NFIA: variants seen among roughly 807,000 people sequenced by gnomAD.
The protein encoded by NFIA is nuclear factor I A.
A neutral mutation model predicts 62.8 loss-of-function variants in NFIA; 8 were observed. The ratio of observed to expected loss-of-function variants is 0.13; its 90% CI spans 0.07 to 0.23. The LOEUF (loss-of-function observed/expected upper bound fraction) is 0.23. Ranked by LOEUF, NFIA falls within the 10% of genes least tolerant of loss-of-function variation. The pLI, the probability that NFIA is intolerant of heterozygous loss-of-function variation, is 1.00. For missense variants in NFIA, 410 were observed against 642.1 expected, an observed-to-expected ratio of 0.64 and a Z score of 3.91; for synonymous variants, 235 against 238.1, an observed-to-expected ratio of 0.99 and a Z score of 0.12.
intron 1 of NFIA, among the ~76,000 whole-genome samples, chr1:61,083,899 C>A (rs1311312572): frequency 2.6e-5 from 4 of 152,134 alleles, no homozygotes; most frequent in African/African-American, 4.8e-5. Flanking sequence ...TCCGTGCCCC[C>A]CTGTCCATTC....
At chr1:61,450,661 C>T (rs1668016359) in intron 10 of NFIA, among the ~76,000 whole-genome samples, 2 of 152,142 alleles carry the variant, frequency 1.3e-5, no homozygotes, top group Non-Finnish European at 2.9e-5. Flanking sequence ...CAGAAGAAAG[C>T]CAAGTGTCAC....
intron 2 of NFIA, among the ~76,000 whole-genome samples, chr1:61,184,115 G>GAA (rs1553158985): frequency 1.4e-5 from 1 of 69,542 alleles, no homozygotes; most frequent in African/African-American, 5.6e-5. Context: ...ATGGGGGGGG[G>GAA]AAAAAAAACC....
intron 2 of NFIA, among the ~76,000 whole-genome samples, chr1:61,196,934 T>C (rs867000039): frequency 4.4e-4 from 46 of 105,266 alleles, no homozygotes; most frequent in African/African-American, 1.9e-3. Flanking sequence ...TGTGTGTGTG[T>C]GTGTGTGCGC....
intron 3 of NFIA, among the ~76,000 whole-genome samples, chr1:61,329,884 C>G (rs1033479100): frequency 6.6e-6 from 1 of 152,078 alleles, no homozygotes; most frequent in Non-Finnish European, 1.5e-5. Flanking sequence ...ATAGACAGCA[C>G]AGTTAGGAGG....
chr1:61,143,925 G>T (rs186302800), intron 2 of NFIA, among the ~76,000 whole-genome samples: 29 of 152,302 alleles, frequency 1.9e-4, no homozygotes, highest in Admixed American at 1.5e-3. Flanking sequence ...AGGTGCTTAA[G>T]CCCTTAATCA....
chr1:61,312,491 T>A (rs553144862), intron 3 of NFIA, among the ~76,000 whole-genome samples: 1 of 152,056 alleles, frequency 6.6e-6, no homozygotes, highest in Non-Finnish European at 1.5e-5. Flanking sequence ...TGTTGTGACT[T>A]GGAAAAAAAT....
intron 9 of NFIA, among the ~76,000 whole-genome samples, chr1:61,422,746 T>TAA (rs55752729): frequency 0.092 from 12,500 of 135,492 alleles, 1,094 homozygotes; most frequent in African/African-American, 0.24. Context: ...CGTCTCTATT[T>TAA]AAAAAAAAAA....
chr1:61,448,003 T>G (rs1443595361), intron 10 of NFIA, among the ~76,000 whole-genome samples: 1 of 152,148 alleles, frequency 6.6e-6, no homozygotes, highest in Non-Finnish European at 1.5e-5. Flanking sequence ...TGCTTTTAGT[T>G]TTTCCCTTTT....
intron 2 of NFIA, among the ~76,000 whole-genome samples, chr1:61,221,710 G>T (rs564114231): frequency 1.1e-4 from 16 of 152,194 alleles, no homozygotes; most frequent in African/African-American, 3.9e-4. Context: ...TGGAGTACTT[G>T]ATTATTCTTT....
At chr1:61,138,062 A>G (rs139403343) in intron 2 of NFIA, among the ~76,000 whole-genome samples, 1 of 150,698 alleles carries the variant, frequency 6.6e-6, no homozygotes, top group African/African-American at 2.4e-5. Context: ...TTTTTTTCCA[A>G]TTTCTTAGTA....
intron 3 of NFIA, among the ~76,000 whole-genome samples, chr1:61,316,212 GAGTT>G (rs1192536914): frequency 1.3e-5 from 2 of 152,166 alleles, no homozygotes; most frequent in African/African-American, 4.8e-5. Context: ...TATAAAATCT[GAGTT>G]AGATACTTGG....
At chr1:61,263,223 A>T (rs189345573) in intron 2 of NFIA, among the ~76,000 whole-genome samples, 1 of 152,350 alleles carries the variant, frequency 6.6e-6, no homozygotes, top group Non-Finnish European at 1.5e-5. Context: ...ATGTCTGTAG[A>T]TGTTAACCAA....
At chr1:61,177,162 T>G (rs1650435411) in intron 2 of NFIA, among the ~76,000 whole-genome samples, 1 of 152,168 alleles carries the variant, frequency 6.6e-6, no homozygotes, top group Admixed American at 6.5e-5. Context: ...TATCTTCATT[T>G]TTGCTTGGTA....
intron 2 of NFIA, among the ~76,000 whole-genome samples, chr1:61,186,694 C>T (rs1369219893): frequency 6.6e-6 from 1 of 152,156 alleles, no homozygotes; most frequent in Non-Finnish European, 1.5e-5. Context: ...AAAAATATGT[C>T]CCCTAGAGAT....
chr1:61,401,727 G>C (rs1665564873), intron 7 of NFIA, among the ~76,000 whole-genome samples: 1 of 152,198 alleles, frequency 6.6e-6, no homozygotes, highest in African/African-American at 2.4e-5. Flanking sequence ...CAAAAGTTGA[G>C]TGTTTCGTTT....
At chr1:61,151,225 T>G (rs1462482835) in intron 2 of NFIA, among the ~76,000 whole-genome samples, 3 of 152,066 alleles carry the variant, frequency 2.0e-5, no homozygotes, top group Non-Finnish European at 2.9e-5. Flanking sequence ...TTGTTTGTTT[T>G]TTTGAGACAG....
intron 3 of NFIA, among the ~76,000 whole-genome samples, chr1:61,312,402 A>G (rs1660165661): frequency 6.6e-6 from 1 of 152,334 alleles, no homozygotes; most frequent in Non-Finnish European, 1.5e-5. Flanking sequence ...ATTGTCTAAC[A>G]TGATTGGTAA....
intron 7 of NFIA, among the ~76,000 whole-genome samples, chr1:61,389,609 T>C (rs561169584): frequency 3.3e-5 from 5 of 152,210 alleles, no homozygotes; most frequent in Admixed American, 6.5e-5. Context: ...TCTACCTTTT[T>C]CTCCCCCGAC....
At chr1:61,243,153 T>A (rs541764489) in intron 2 of NFIA, among the ~76,000 whole-genome samples, 2 of 152,244 alleles carry the variant, frequency 1.3e-5, no homozygotes, top group South Asian at 4.1e-4. Flanking sequence ...CCAAATGTTA[T>A]TGACAGAGCT....
Sources: allele counts gnomAD v4.1 joint callset (sites outside exome capture counted in the v4.1 genomes callset), GRCh38; gene constraint gnomAD v4.1.1; transcripts MANE v1.5; gene names NCBI Gene and HGNC (gene_info 2026-07-23, HGNC 2026-07-21).